GLRX5: variants seen among roughly 807,000 people sequenced by gnomAD.
GLRX5 encodes glutaredoxin-related protein 5, mitochondrial.
GLRX5 carries 10 observed loss-of-function variants against 13.8 expected under a neutral mutation model. The observed-to-expected ratio is 0.72, with a 90% CI of 0.45 to 1.23. GLRX5 has a LOEUF of 1.23. GLRX5 is among the 50% of genes most tolerant of loss of function. GLRX5 has a pLI of 0.00. For missense variants in GLRX5, 233 were observed against 215.2 expected (o/e 1.08, Z -0.52); for synonymous variants, 98 against 101.1 (o/e 0.97, Z 0.18).
In GLRX5 at chr14:95,543,986, TG is replaced by T. The variant is rs1375192085; in HGVS notation, c.336del (p.Tyr113ThrfsTer7). 19 of 1,614,026 alleles carry T rather than the reference TG, an allele frequency of 1.2e-5. No individual in the cohort carries two copies. The highest frequency in any genetic ancestry group is 1.6e-5 in the Non-Finnish European group (19 of 1,179,954). On this transcript the variant is annotated frameshift_variant, in exon 2 of 2. Coordinates refer to ENST00000331334, the MANE Select transcript of GLRX5 (RefSeq NM_016417.3). LOFTEE classifies it high-confidence loss of function. ...TCCAACTGGCCCACCATCCCGCAAG[TG>T]TACCTCAATGGCGAGTTTGTAGGGG... ...DYSNWPTIPQ[V>X]YLNGEFVGGC...
In GLRX5 at chr14:95,535,255, G is replaced by A; in HGVS notation, c.166G>A (p.Val56Ile). ...DALVKKDKVV[V>I]FLKGTPEQPQ... ...GCTGGTGAAGAAGGACAAGGTGGTGGTCTTCCTCAAGGGGACGCCGGAGCA... is the reference window on the plus strand; with the variant it reads ...GCTGGTGAAGAAGGACAAGGTGGTGATCTTCCTCAAGGGGACGCCGGAGCA... The change falls in exon 1 of 2, where the codon GTC (valine) becomes ATC (isoleucine). Residue 56 changes from valine (V) to isoleucine (I), a missense_variant. Transcript: ENST00000331334. 6.4e-7 allele frequency: 1 copy of A among 1,571,492 alleles called. No individual in the cohort carries two copies. The highest frequency in any genetic ancestry group is 8.6e-7 in the Non-Finnish European group (1 of 1,160,396).
chr14:95,539,667 G>A (rs1043853976), intron 1 of GLRX5, among the ~76,000 whole-genome samples: 3 of 152,090 alleles, frequency 2.0e-5, no homozygotes, highest in Non-Finnish European at 1.5e-5. Context: ...CTGGGCTTTT[G>A]TACTCCTGGA....
At chr14:95,541,893 A>C (rs1424371109) in intron 1 of GLRX5, among the ~76,000 whole-genome samples, 1 of 152,262 alleles carries the variant, frequency 6.6e-6, no homozygotes, top group African/African-American at 2.4e-5. Flanking sequence ...AAAATAAATC[A>C]GTAAAAATTG....
chr14:95,539,083 ACT>A (rs1435862517), intron 1 of GLRX5, among the ~76,000 whole-genome samples: 5 of 152,282 alleles, frequency 3.3e-5, no homozygotes, highest in African/African-American at 7.2e-5. Context: ...AGGAGCACAA[ACT>A]CTATTGTGAA....
chr14:95,543,353 A>AAAC, intron 1 of GLRX5: 4 of 344,258 alleles, frequency 1.2e-5, no homozygotes, highest in South Asian at 2.2e-5. Flanking sequence ...AAAAAAAAAA[A>AAAC]AACTCAACAA....
At chr14:95,536,901 T>C (rs1891391216) in intron 1 of GLRX5, among the ~76,000 whole-genome samples, 2 of 152,194 alleles carry the variant, frequency 1.3e-5, no homozygotes, top group South Asian at 4.1e-4. Context: ...GTATATGTAA[T>C]ATTACCATGT....
intron 1 of GLRX5, among the ~76,000 whole-genome samples, chr14:95,539,201 C>G (rs973408122): frequency 2.0e-5 from 3 of 152,226 alleles, no homozygotes; most frequent in African/African-American, 4.8e-5. Context: ...CCACCCTTCC[C>G]TGGTCCGTGG....
chr14:95,536,462 C>A (rs978049623), intron 1 of GLRX5, among the ~76,000 whole-genome samples: 6 of 152,172 alleles, frequency 3.9e-5, no homozygotes, highest in Non-Finnish European at 7.3e-5. Flanking sequence ...AAAATAGGTG[C>A]CAGGTTCTCT....
rs1057524469 is a variant in GLRX5 at position 95,535,170 on chromosome 14, G to C, written c.81G>C (p.Pro27=). The change falls in exon 1 of 2, where the codon CCG becomes CCC. Residue 27 remains proline (P), a synonymous_variant. Transcript: ENST00000331334. ...CGGGCGGCGGTGGCCTTTGGGGTCC[G>C]GGCGTGCGGGCGGCGGGCTCGGGCG... is the stretch of plus-strand genomic sequence containing the variant. ...RGAGGGGLWG[P]GVRAAGSGAG... 2.7e-6 allele frequency: 4 copies of C among 1,456,074 alleles called. No homozygotes were observed. The highest frequency in any genetic ancestry group is 1.4e-5 in the South Asian group (1 of 74,030). The allele number at this position is 1,456,074 out of a possible 1,614,324, so 90.2% of individuals were successfully genotyped here. A position where few individuals can be genotyped will look rare whatever the true frequency, so the allele number is the denominator to read the frequency against.
intron 1 of GLRX5, chr14:95,543,163 G>GA: frequency 2.2e-6 from 1 of 455,962 alleles, no homozygotes; most frequent in Non-Finnish European, 4.4e-6. Context: ...CTCAGCCCTG[G>GA]ACAGGGACCT....
intron 1 of GLRX5, among the ~76,000 whole-genome samples, chr14:95,540,426 A>C (rs1389514354): frequency 6.6e-6 from 1 of 152,098 alleles, no homozygotes; most frequent in Non-Finnish European, 1.5e-5. Flanking sequence ...GTATATTCCC[A>C]TTTTACAGAT....
intron 1 of GLRX5, among the ~76,000 whole-genome samples, chr14:95,536,027 T>C (rs1471442345): frequency 6.6e-6 from 1 of 152,150 alleles, no homozygotes; most frequent in Non-Finnish European, 1.5e-5. Context: ...TCATGACATT[T>C]GGCTTTAGAT....
chr14:95,539,679 G>A (rs10131473), intron 1 of GLRX5, among the ~76,000 whole-genome samples: 32,406 of 152,036 alleles, frequency 0.21, 3,649 homozygotes, highest in East Asian at 0.36. Context: ...ACTCCTGGAA[G>A]CCTGGATATA....
At chr14:95,535,453 G>A in intron 1 of GLRX5, 69 bp downstream of exon 1, 1 of 1,428,338 alleles carries the variant, frequency 7.0e-7, no homozygotes, top group East Asian at 2.5e-5. Flanking sequence ...GAGGCCGAGG[G>A]GTTCCGCCGC....
At chr14:95,539,263 T>C (rs1274428520) in intron 1 of GLRX5, among the ~76,000 whole-genome samples, 1 of 152,232 alleles carries the variant, frequency 6.6e-6, no homozygotes, top group African/African-American at 2.4e-5. Flanking sequence ...GTTGGGGACC[T>C]CTGTGTTAGG....
At chr14:95,543,674 A>AAC (rs922392631) in intron 1 of GLRX5, 2 of 466,732 alleles carry the variant, frequency 4.3e-6, no homozygotes, top group African/African-American at 3.9e-5. Context: ...CACAAAAAAA[A>AAC]AAACCTTGGG....
At chr14:95,543,840 G>A in intron 1 of GLRX5, 107 bp from the exon 2 acceptor site, 1 of 942,814 alleles carries the variant, frequency 1.1e-6, no homozygotes, top group South Asian at 1.3e-5. Context: ...GGGAAGCCAG[G>A]GAGGGACAGT....
At position 95,543,962 on chromosome 14, in the gene GLRX5, C is replaced by T. The variant is rs1234575543; in HGVS notation, c.311C>T (p.Ser104Phe). The change falls in exon 2 of 2, where the codon TCC becomes TTC. Residue 104 changes from serine (S) to phenylalanine (F), a missense_variant. Physicochemically the swap from Ser to Phe is radical, Grantham distance 155. Transcript: ENST00000331334. ...PELRQGIKDY[S>F]NWPTIPQVYL... ...TTCTCCATAGGCATTAAAGACTATT[C>T]CAACTGGCCCACCATCCCGCAAGTG... is the stretch of plus-strand genomic sequence containing the variant. 6.2e-7 allele frequency: 1 copy of T among 1,613,662 alleles called. No individual in the cohort carries two copies. Among genetic ancestry groups the T allele is most frequent in the Non-Finnish European group, 8.5e-7 (1 of 1,179,546 alleles).
At chr14:95,538,747 T>G (rs1417995635) in intron 1 of GLRX5, among the ~76,000 whole-genome samples, 1 of 152,212 alleles carries the variant, frequency 6.6e-6, no homozygotes, top group African/African-American at 2.4e-5. Context: ...GCTGTGTGGT[T>G]TTTGTTGCAT....
Sources: allele counts gnomAD v4.1 joint callset (sites outside exome capture counted in the v4.1 genomes callset), GRCh38; gene constraint gnomAD v4.1.1; transcripts MANE v1.5; gene names NCBI Gene and HGNC (gene_info 2026-07-23, HGNC 2026-07-21).